OR1J2: variants seen among roughly 807,000 people sequenced by gnomAD.
OR1J2 encodes olfactory receptor 1J2.
For synonymous variants in OR1J2, 142 were observed against 99.7 expected (o/e 1.42, Z -2.52); for missense variants, 304 against 246.1 (o/e 1.24, Z -1.57).
the OR1J2 span, among the ~76,000 whole-genome samples, chr9:122,571,336 G>A: frequency 6.6e-6 from 1 of 152,060 alleles, no homozygotes; most frequent in South Asian, 2.1e-4. Context: ...CGGATCACAA[G>A]GTCAGGAGAT....
Position 122,511,736 on chromosome 9 carries a change from C to T in OR1J2, c.935C>T (p.Ser312Phe), listed in dbSNP as rs150890302. The part of the protein sequence containing the change: ...GKLFSRATFF[S>F]W The stretch of plus-strand genomic sequence containing the variant: ...CTCTTCAGTAGAGCAACATTTTTCT[C>T]TTGGTGACATCTGACTTTTTAAAAA... The change falls in exon 1 of 1, where the codon TCT (serine) becomes TTT (phenylalanine). Residue 312 changes from serine (S) to phenylalanine (F), a missense_variant. Physicochemically the swap from Ser to Phe is radical, Grantham distance 155 (BLOSUM62 -2). Coordinates refer to ENST00000335302, the MANE Select transcript of OR1J2 (RefSeq NM_054107.1). 588 of 780,840 alleles carry T rather than the reference C, an allele frequency of 7.5e-4. 2 individuals carry two copies. The African/African-American group carries it at 9.0e-3, about 12-fold the overall frequency. 48.4% of individuals were successfully genotyped at this position (780,840 alleles called of 1,614,324 possible).
At chr9:122,522,141 G>A in the OR1J2 span, among the ~76,000 whole-genome samples, 1 of 152,174 alleles carries the variant, frequency 6.6e-6, no homozygotes, top group Non-Finnish European at 1.5e-5. Flanking sequence ...GCTAGGATTC[G>A]TGACCTTTTC....
At chr9:122,505,752 G>A in the OR1J2 span, among the ~76,000 whole-genome samples, 1 of 151,958 alleles carries the variant, frequency 6.6e-6, no homozygotes, top group Admixed American at 6.6e-5. Context: ...CAATTTCAGA[G>A]AACCTGAAGC....
the OR1J2 span, chr9:122,567,354 G>A: frequency 1.6e-5 from 7 of 451,426 alleles, no homozygotes; most frequent in South Asian, 1.9e-4. Flanking sequence ...ACACAGACAG[G>A]AAACGATTGT....
At chr9:122,516,021 T>G (rs1828696257), downstream of OR1J2, among the ~76,000 whole-genome samples, 1 of 152,068 alleles carries the variant, frequency 6.6e-6, no homozygotes, top group African/African-American at 2.4e-5. Context: ...ATGGATGAGG[T>G]GTTTTTATAG....
downstream of OR1J2, among the ~76,000 whole-genome samples, chr9:122,515,729 T>C (rs1828691676): frequency 6.6e-6 from 1 of 152,226 alleles, no homozygotes; most frequent in Non-Finnish European, 1.5e-5. Context: ...GAAAGTATAT[T>C]TGAAGGACAT....
chr9:122,504,926 G>A, the OR1J2 span, among the ~76,000 whole-genome samples: 1 of 152,072 alleles, frequency 6.6e-6, no homozygotes, highest in Non-Finnish European at 1.5e-5. Context: ...AGAGCATCCA[G>A]TTCCTATAGC....
the OR1J2 span, among the ~76,000 whole-genome samples, chr9:122,576,278 G>A: frequency 6.6e-6 from 1 of 151,886 alleles, no homozygotes; most frequent in Non-Finnish European, 1.5e-5. Context: ...CTGGAGTGCA[G>A]TGGCATGAGC....
chr9:122,575,627 A>G, the OR1J2 span, among the ~76,000 whole-genome samples: 1 of 152,148 alleles, frequency 6.6e-6, no homozygotes, highest in Non-Finnish European at 1.5e-5. Context: ...ATCAATTTTT[A>G]AAAACTAAAT....
the OR1J2 span, among the ~76,000 whole-genome samples, chr9:122,468,947 T>G: frequency 6.6e-6 from 1 of 152,242 alleles, no homozygotes; most frequent in African/African-American, 2.4e-5. Context: ...ACAGACCAGC[T>G]TTTAATTCCT....
chr9:122,515,232 C>T (rs923644344), downstream of OR1J2, among the ~76,000 whole-genome samples: 3 of 152,052 alleles, frequency 2.0e-5, no homozygotes, highest in African/African-American at 7.2e-5. Flanking sequence ...CCACAGAATT[C>T]GGAGGCTAAC....
At chr9:122,465,033 A>C in the OR1J2 span, among the ~76,000 whole-genome samples, 1 of 152,046 alleles carries the variant, frequency 6.6e-6, no homozygotes, top group African/African-American at 2.4e-5. Flanking sequence ...TGAAAGAAAA[A>C]TTTACTTTCT....
chr9:122,488,855 T>C, the OR1J2 span, among the ~76,000 whole-genome samples: 1 of 117,618 alleles, frequency 8.5e-6, no homozygotes, highest in South Asian at 2.8e-4. Flanking sequence ...ACAAGTTTCT[T>C]TTTTTAAAAT....
At chr9:122,578,696 G>C in the OR1J2 span, among the ~76,000 whole-genome samples, 1 of 147,844 alleles carries the variant, frequency 6.8e-6, no homozygotes, top group African/African-American at 2.5e-5. Flanking sequence ...GTAAAGTAAA[G>C]TAACTCAGGA....
chr9:122,478,208 ATGTAT>A, the OR1J2 span, among the ~76,000 whole-genome samples: 1 of 152,222 alleles, frequency 6.6e-6, no homozygotes, highest in African/African-American at 2.4e-5. Context: ...CCAATAGCTG[ATGTAT>A]TGTAAGTGAT....
upstream of OR1J2, among the ~76,000 whole-genome samples, chr9:122,508,888 G>C (rs1254545642): frequency 1.3e-5 from 2 of 152,318 alleles, no homozygotes; most frequent in East Asian, 3.9e-4. Flanking sequence ...TGAAGAGGTT[G>C]GCATTTCTTC....
At chr9:122,480,200 A>G in the OR1J2 span, among the ~76,000 whole-genome samples, 1 of 152,192 alleles carries the variant, frequency 6.6e-6, no homozygotes, top group African/African-American at 2.4e-5. Context: ...AAATATTTGC[A>G]AGGATAAACC....
the OR1J2 span, among the ~76,000 whole-genome samples, chr9:122,530,750 G>A: frequency 6.6e-6 from 1 of 152,176 alleles, no homozygotes; most frequent in African/African-American, 2.4e-5. Context: ...TAAGATTTGG[G>A]TAGGTAAAGG....
the OR1J2 span, among the ~76,000 whole-genome samples, chr9:122,483,839 T>A: frequency 1.3e-5 from 2 of 152,330 alleles, no homozygotes; most frequent in East Asian, 3.9e-4. Flanking sequence ...AAAAAATAAA[T>A]GCTTCTAAGG....
Sources: gnomAD v4.1 joint callset for allele counts (sites outside exome capture counted in the v4.1 genomes callset) on GRCh38, gnomAD v4.1.1 for gene constraint, MANE v1.5 for transcripts, NCBI Gene and HGNC (gene_info 2026-07-23, HGNC 2026-07-21) for gene names.